The following NXPE2 variants were observed in gnomAD, a reference collection of about 807,000 sequenced individuals.
NXPE2 encodes neurexophilin and PC-esterase domain family member 2.
NXPE2 carries 34 observed loss-of-function variants against 34.4 expected under a neutral mutation model. The observed-to-expected ratio is 0.99, with a 90% CI of 0.75 to 1.31. NXPE2 has a LOEUF of 1.31. NXPE2 is among the 40% of genes most tolerant of loss of function. The pLI is 0.00. For synonymous variants in NXPE2, 235 were observed against 231.3 expected (o/e 1.02, Z -0.15); for missense variants, 649 against 672.5 (o/e 0.97, Z 0.39).
chr11:114,531,454 G>T, the NXPE2 span, among the ~76,000 whole-genome samples: 90 of 152,170 alleles, frequency 5.9e-4, no homozygotes, highest in Non-Finnish European at 9.3e-4. Context: ...CTTCAAGGAA[G>T]ACAGTCCTGC....
At chr11:114,674,576 C>CA (rs996275977), upstream of NXPE2, among the ~76,000 whole-genome samples, 210 of 142,604 alleles carry the variant, frequency 1.5e-3, 3 homozygotes, top group East Asian at 0.013. Flanking sequence ...CATACCACCA[C>CA]AAAAAAAAAA....
chr11:114,807,933 A>G, the NXPE2 span, among the ~76,000 whole-genome samples: 146,164 of 151,676 alleles, frequency 0.96, 70,668 homozygotes, highest in Middle Eastern at 1. Flanking sequence ...AATTGACCAC[A>G]TAGTTGGAAG....
At chr11:114,752,501 G>C in the NXPE2 span, among the ~76,000 whole-genome samples, 1 of 152,188 alleles carries the variant, frequency 6.6e-6, no homozygotes. Context: ...GGTGGAATCA[G>C]GGAGATCATT....
chr11:114,489,816 C>A, the NXPE2 span, among the ~76,000 whole-genome samples: 2 of 152,196 alleles, frequency 1.3e-5, no homozygotes, highest in African/African-American at 4.8e-5. Context: ...GATGCCCTCT[C>A]TCACCACTCC....
At chr11:114,668,989 G>A in the NXPE2 span, among the ~76,000 whole-genome samples, 1 of 152,066 alleles carries the variant, frequency 6.6e-6, no homozygotes. Flanking sequence ...TCCACTCCCA[G>A]CTCTATAGAG....
chr11:114,687,877 T>C (rs565657489), intron 2 of NXPE2, among the ~76,000 whole-genome samples: 11 of 152,110 alleles, frequency 7.2e-5, no homozygotes, highest in Middle Eastern at 3.4e-3. Context: ...GGATTCTTAA[T>C]AGTTTCTCAG....
rs1950917972 is a variant in NXPE2 at position 114,679,770 on chromosome 11, G to T, written c.132+8G>T. 2 of 1,515,734 alleles carry T rather than the reference G, an allele frequency of 1.3e-6. No individual in the cohort carries two copies. Among genetic ancestry groups the T allele is most frequent in the African/African-American group, 1.4e-5 (1 of 72,126 alleles). The allele number at this position is 1,515,734 out of a possible 1,614,324, so 93.9% of individuals were successfully genotyped here. A position where few individuals can be genotyped will look rare whatever the true frequency, so the allele number is the denominator to read the frequency against. ...TCAAAAGACCACACAAAGGTAGGAA[G>T]TTTCATTTTTAAGAATTTCACAGAA... is the stretch of plus-strand genomic sequence containing the variant. On this transcript the variant is annotated splice_region_variant and intron_variant, in intron 2 of 5. Coordinates refer to ENST00000389586, the MANE Select transcript of NXPE2 (RefSeq NM_182495.6).
chr11:114,798,337 ATCTCTTTC>A, the NXPE2 span, among the ~76,000 whole-genome samples: 83 of 152,068 alleles, frequency 5.5e-4, no homozygotes, highest in African/African-American at 1.7e-3. Flanking sequence ...TGTAATCTTC[ATCTCTTTC>A]TCTCTTTGGG....
the NXPE2 span, among the ~76,000 whole-genome samples, chr11:114,519,968 T>TCGCCTCCCGGGTTCACGCTATTCGCC: frequency 8.5e-6 from 1 of 117,234 alleles, no homozygotes; most frequent in African/African-American, 4.5e-5. Context: ...CTCGGCGAGC[T>TCGCCTCCCGGGTTCACGCTATTCGCC]TGCCCGCTAA....
chr11:114,733,143 C>T, the NXPE2 span, among the ~76,000 whole-genome samples: 2 of 152,128 alleles, frequency 1.3e-5, no homozygotes, highest in Non-Finnish European at 2.9e-5. Context: ...GTCACCCAGG[C>T]TGGAATGCAG....
chr11:114,795,303 A>G, the NXPE2 span, among the ~76,000 whole-genome samples: 1 of 152,120 alleles, frequency 6.6e-6, no homozygotes, highest in Non-Finnish European at 1.5e-5. Flanking sequence ...GATGGGATTC[A>G]TTTTTCAGTA....
the NXPE2 span, among the ~76,000 whole-genome samples, chr11:114,543,261 CAGG>C: frequency 6.6e-6 from 1 of 152,082 alleles, no homozygotes; most frequent in African/African-American, 2.4e-5. Flanking sequence ...GAGGCTGAGG[CAGG>C]AGAATTGCTT....
the NXPE2 span, among the ~76,000 whole-genome samples, chr11:114,803,711 G>A: frequency 9.9e-5 from 15 of 152,064 alleles, no homozygotes; most frequent in African/African-American, 3.6e-4. Flanking sequence ...CGAGTAGCTG[G>A]GACTACAGGT....
At chr11:114,730,342 C>T in the NXPE2 span, among the ~76,000 whole-genome samples, 353 of 152,108 alleles carry the variant, frequency 2.3e-3, 1 homozygote, top group African/African-American at 8.1e-3. Context: ...TGTGATGCTC[C>T]GGTTGTGTTC....
chr11:114,466,286 A>G, the NXPE2 span, among the ~76,000 whole-genome samples: 5 of 152,126 alleles, frequency 3.3e-5, no homozygotes, highest in African/African-American at 1.2e-4. Context: ...TCCTTTCTCT[A>G]TTACAGTCTT....
chr11:114,475,978 A>G, the NXPE2 span, among the ~76,000 whole-genome samples: 2 of 152,208 alleles, frequency 1.3e-5, no homozygotes, highest in Admixed American at 1.3e-4. Context: ...CGTGATGCCC[A>G]TCTGTTACTT....
chr11:114,695,218 G>A (rs946481010), intron 2 of NXPE2, among the ~76,000 whole-genome samples: 8 of 152,272 alleles, frequency 5.3e-5, no homozygotes, highest in African/African-American at 1.9e-4. Flanking sequence ...TTTAAGTAGG[G>A]TCTGAGGCTT....
the NXPE2 span, among the ~76,000 whole-genome samples, chr11:114,487,580 T>C: frequency 1.3e-5 from 2 of 152,194 alleles, no homozygotes; most frequent in Non-Finnish European, 2.9e-5. Flanking sequence ...AAACTGGGCA[T>C]ACTTGTCTTG....
chr11:114,605,806 A>G, the NXPE2 span, among the ~76,000 whole-genome samples: 3 of 151,686 alleles, frequency 2.0e-5, no homozygotes, highest in Non-Finnish European at 4.4e-5. Context: ...CTCTAGGGTT[A>G]CCACTGTTAC....
Sources: allele counts gnomAD v4.1 joint callset (sites outside exome capture counted in the v4.1 genomes callset), GRCh38; gene constraint gnomAD v4.1.1; transcripts MANE v1.5; gene names NCBI Gene and HGNC (gene_info 2026-07-23, HGNC 2026-07-21).